ORAI2: variants seen among roughly 807,000 people sequenced by gnomAD.
ORAI2 encodes the protein protein orai-2.
In ORAI2, 10 loss-of-function variants were observed where a neutral mutation model predicts 16.2. That is an observed-to-expected ratio of 0.62 (90% CI 0.38 to 1.04). The LOEUF (loss-of-function observed/expected upper bound fraction) is 1.04. Among genes scored for constraint, ORAI2 ranks in the 50% least tolerant of loss-of-function variants. The pLI, the probability that ORAI2 is intolerant of heterozygous loss-of-function variation, is 0.01. For synonymous variants in ORAI2, 150 were observed against 157.5 expected (o/e 0.95, Z 0.35); for missense variants, 238 against 355.5 (o/e 0.67, Z 2.66).
At chr7:102,435,427 G>A (rs943246884) in intron 1 of ORAI2, among the ~76,000 whole-genome samples, 1 of 152,050 alleles carries the variant, frequency 6.6e-6, no homozygotes, top group Non-Finnish European at 1.5e-5. Flanking sequence ...TCCCCTCCCC[G>A]GTGTTACCTG....
chr7:102,444,968 A>G (rs1243911190), intron 3 of ORAI2, among the ~76,000 whole-genome samples: 1 of 151,720 alleles, frequency 6.6e-6, no homozygotes, highest in Non-Finnish European at 1.5e-5. Flanking sequence ...CGCCTGGCTG[A>G]CCTCACATTT....
rs1237331185 is a variant in ORAI2, at chr7:102,448,163, T to C, written c.*1111T>C. 6.6e-6 allele frequency: 1 copy of C among 152,466 alleles called. No homozygotes were observed. The highest frequency in any genetic ancestry group is 1.5e-5 in the Non-Finnish European group (1 of 68,224). The allele number at this position is 152,466 out of a possible 1,614,324, so 9.4% of individuals were successfully genotyped here. Reference sequence around the variant, plus strand: ...CCTCCTTGTTATGACACCAAGTGACTACAAGGGAGGCAAGACCCCTCCAGG... The same window carrying C: ...CCTCCTTGTTATGACACCAAGTGACCACAAGGGAGGCAAGACCCCTCCAGG... On this transcript the variant is annotated 3_prime_UTR_variant, in exon 4 of 4. Coordinates refer to ENST00000495936, the MANE Select transcript of ORAI2 (RefSeq NM_001126340.3).
chr7:102,438,802 T>C, intron 2 of ORAI2, 142 bp from the exon 3 acceptor site: 1 of 715,622 alleles, frequency 1.4e-6, no homozygotes, highest in Non-Finnish European at 2.4e-6. Context: ...AACATAACTT[T>C]AGGTCCTGGG....
chr7:102,433,805 C>T lies in ORAI2; in HGVS notation c.-123+144C>T, dbSNP rs1421923236. On this transcript the variant is annotated intron_variant, in intron 1 of 3. Transcript: ENST00000495936. This position sits in a 1 kb window ranked among gnomAD's most constrained non-coding sequence, Gnocchi z 4.6. ...GTCACTACCCATCCGGGGTTGGTGACCTCCACCCCGCGGGATCCCTGGCGG... is the reference window on the plus strand; with the variant it reads ...GTCACTACCCATCCGGGGTTGGTGATCTCCACCCCGCGGGATCCCTGGCGG... 3 of 151,936 alleles carry T rather than the reference C, an allele frequency of 2.0e-5. No individual in the cohort carries two copies. The highest frequency in any genetic ancestry group is 4.4e-5 in the Non-Finnish European group (3 of 67,954). 9.4% of individuals were successfully genotyped at this position (151,936 alleles called of 1,614,324 possible).
In ORAI2 at chr7:102,448,959, C is replaced by CG. The variant is rs1214120421; in HGVS notation, c.*1910dup. 1.3e-5 allele frequency: 2 copies of CG among 151,972 alleles called. No individual in the cohort carries two copies. The highest frequency in any genetic ancestry group is 6.6e-5 in the Admixed American group (1 of 15,238). 9.4% of individuals were successfully genotyped at this position (151,972 alleles called of 1,614,324 possible). A position where few individuals can be genotyped will look rare whatever the true frequency, so the allele number is the denominator to read the frequency against. On this transcript the variant is annotated 3_prime_UTR_variant, in exon 4 of 4. Transcript: ENST00000495936. ...AAAAGCTTAAGCTCTCTCCGGGGTC[C>CG]GGGTTGGCCGTGCCGTGGAATTCTG...
Position 102,451,442 on chromosome 7 carries a change from C to A in ORAI2, c.*4390C>A, listed in dbSNP as rs1797516537. The A allele has an allele frequency of 6.6e-6, 1 of 152,152 alleles. No homozygotes were observed. Among genetic ancestry groups the A allele is most frequent in the South Asian group, 2.1e-4 (1 of 4,820 alleles). 9.4% of individuals were successfully genotyped at this position (152,152 alleles called of 1,614,324 possible). ...TAGGAAGGGTCTGCTGAGGACCAGACCACGTAAGCCTGAGTGGATCCTGAC... is the reference window on the plus strand; with the variant it reads ...TAGGAAGGGTCTGCTGAGGACCAGAACACGTAAGCCTGAGTGGATCCTGAC... On this transcript the variant is annotated 3_prime_UTR_variant, in exon 4 of 4. Coordinates refer to ENST00000495936, the MANE Select transcript of ORAI2 (RefSeq NM_001126340.3).
rs1187201971 is a variant in ORAI2 at position 102,444,784 on chromosome 7, G to A, written c.226-1729G>A. On this transcript the variant is annotated intron_variant, in intron 3 of 3. Coordinates refer to ENST00000495936, the MANE Select transcript of ORAI2 (RefSeq NM_001126340.3). ...AGGTTCAAGTGATTCTCCTGCCTCC[G>A]CTTCCTGAGTAGCTGGGATTACAGA... Among the ~76,000 whole-genome samples the A allele has an allele frequency of 4.0e-5, 6 of 149,444 alleles. No individual in the cohort carries two copies. In the South Asian group the frequency reaches 1.3e-3, roughly 32 times the overall value.
At chr7:102,437,973 T>C (rs534891722) in intron 2 of ORAI2, among the ~76,000 whole-genome samples, 309 of 152,174 alleles carry the variant, frequency 2.0e-3, no homozygotes, top group Non-Finnish European at 3.3e-3. Flanking sequence ...CCCTTGAACC[T>C]AAGAGTTCGA....
At chr7:102,440,148 G>A (rs73404327) in intron 3 of ORAI2, among the ~76,000 whole-genome samples, 4,789 of 152,254 alleles carry the variant, frequency 0.031, 244 homozygotes, top group African/African-American at 0.11. Context: ...AGGGTTTCCT[G>A]AGAAAAGGCG....
chr7:102,451,194 C>G lies in ORAI2; in HGVS notation c.*4142C>G, dbSNP rs1249948958. On this transcript the variant is annotated 3_prime_UTR_variant, in exon 4 of 4. Transcript: ENST00000495936. ...CCAGCCTGGGTAACAGAGCAAGACT[C>G]TGTCTCAAAAAAAAAAAAAAAAGAA... 1 of 91,716 alleles carries G rather than the reference C, an allele frequency of 1.1e-5. No individual in the cohort carries two copies. The highest frequency in any genetic ancestry group is 4.8e-5 in the African/African-American group (1 of 20,792). The allele number at this position is 91,716 out of a possible 1,614,324, so 5.7% of individuals were successfully genotyped here.
In ORAI2 at chr7:102,455,057, C is replaced by T. The variant is rs1384838967; in HGVS notation, c.*8005C>T. On this transcript the variant is annotated 3_prime_UTR_variant, in exon 4 of 4. Coordinates refer to ENST00000495936, the MANE Select transcript of ORAI2 (RefSeq NM_001126340.3). ...AATTAGCTGGGTATGGTGGCACACGCCTGTAGTTCCAGCTACTGGGGAGGC... is the reference window on the plus strand; with the variant it reads ...AATTAGCTGGGTATGGTGGCACACGTCTGTAGTTCCAGCTACTGGGGAGGC... 1 of 152,518 alleles carries T rather than the reference C, an allele frequency of 6.6e-6. No individual in the cohort carries two copies. The highest frequency in any genetic ancestry group is 1.5e-5 in the Non-Finnish European group (1 of 68,354). 9.4% of individuals were successfully genotyped at this position (152,518 alleles called of 1,614,324 possible).
chr7:102,441,039 C>T (rs1424585947), intron 3 of ORAI2, among the ~76,000 whole-genome samples: 2 of 151,864 alleles, frequency 1.3e-5, no homozygotes, highest in African/African-American at 4.8e-5. Flanking sequence ...ACTACAGGCA[C>T]ACATCACCAC....
At chr7:102,440,371 C>T (rs561884271) in intron 3 of ORAI2, among the ~76,000 whole-genome samples, 1 of 152,288 alleles carries the variant, frequency 6.6e-6, no homozygotes, top group Admixed American at 6.5e-5. Flanking sequence ...GGACAAGAGT[C>T]AGTTTCCGAC....
At position 102,452,329 on chromosome 7, in the gene ORAI2, C is replaced by G. The variant is rs1797544972; in HGVS notation, c.*5277C>G. On this transcript the variant is annotated 3_prime_UTR_variant, in exon 4 of 4. Coordinates refer to ENST00000495936, the MANE Select transcript of ORAI2 (RefSeq NM_001126340.3). ...ATTTTTAGTAGAGACGGGGGTTTCA[C>G]CATGTTGGCCAGGCTGGTCTCCAAC... is the stretch of plus-strand genomic sequence containing the variant. 6.6e-6 allele frequency: 1 copy of G among 152,154 alleles called. No individual in the cohort carries two copies. Among genetic ancestry groups the G allele is most frequent in the African/African-American group, 2.4e-5 (1 of 41,416 alleles). 9.4% of individuals were successfully genotyped at this position (152,154 alleles called of 1,614,324 possible).
Position 102,447,057 on chromosome 7 carries a change from C to T in ORAI2, c.*5C>T. 6.6e-7 allele frequency: 1 copy of T among 1,525,852 alleles called. No individual in the cohort carries two copies. Among genetic ancestry groups the T allele is most frequent in the Non-Finnish European group, 8.8e-7 (1 of 1,139,622 alleles). The allele number at this position is 1,525,852 out of a possible 1,614,324, so 94.5% of individuals were successfully genotyped here. ...CGCAGCCTGCAGGTCTTGTGAGGGG[C>T]CGAGGGCCGGGGCTGGGAGCGGCCC... On this transcript the variant is annotated 3_prime_UTR_variant, in exon 4 of 4. Transcript: ENST00000495936.
At chr7:102,441,266 G>A (rs1797190933) in intron 3 of ORAI2, among the ~76,000 whole-genome samples, 1 of 151,456 alleles carries the variant, frequency 6.6e-6, no homozygotes, top group African/African-American at 2.4e-5. Flanking sequence ...AGCTGGCTGG[G>A]TGTGGTGGCT....
At position 102,438,962 on chromosome 7, in the gene ORAI2, T is replaced by G. The variant is rs762289307; in HGVS notation, c.6T>G (p.Ser2Arg). 1.2e-6 allele frequency: 2 copies of G among 1,613,278 alleles called. No homozygotes were observed. The highest frequency in any genetic ancestry group is 1.7e-6 in the Non-Finnish European group (2 of 1,179,862). ...CCCTTAGCCTGGCTCCCACCATGAG[T>G]GCTGAGCTTAACGTGCCTATCGACC... M[S>R]AELNVPIDPS... is the part of the protein sequence containing the mutation. The change falls in exon 3 of 4, where the codon AGT (serine) becomes AGG (arginine). Residue 2 changes from serine to arginine, a missense_variant. Transcript: ENST00000495936.
rs1797660165 is a variant in ORAI2, at chr7:102,456,766, G to A, written c.*9714G>A. ...ATTCCCCAAATGAAGGGACTGGACA[G>A]TGAGATATCGGGAAACCCCATGAAA... On this transcript the variant is annotated 3_prime_UTR_variant, in exon 4 of 4. Transcript: ENST00000495936. 6.6e-6 allele frequency: 1 copy of A among 152,012 alleles called. No homozygotes were observed. Among genetic ancestry groups the A allele is most frequent in the Non-Finnish European group, 1.5e-5 (1 of 68,074 alleles). 9.4% of individuals were successfully genotyped at this position (152,012 alleles called of 1,614,324 possible). A position where few individuals can be genotyped will look rare whatever the true frequency, so the allele number is the denominator to read the frequency against.
chr7:102,435,877 C>G (rs188861919), intron 1 of ORAI2, among the ~76,000 whole-genome samples: 1 of 152,112 alleles, frequency 6.6e-6, no homozygotes, highest in Non-Finnish European at 1.5e-5. Context: ...TCTAGTGATC[C>G]GCCCACCTCA....
Sources: gnomAD v4.1 joint callset for allele counts (sites outside exome capture counted in the v4.1 genomes callset) on GRCh38, gnomAD v4.1.1 for gene constraint, Gnocchi (gnomAD v3.1) non-coding constraint, MANE v1.5 for transcripts, NCBI Gene and HGNC (gene_info 2026-07-23, HGNC 2026-07-21) for gene names.